CLXN: variants seen among roughly 807,000 people sequenced by gnomAD.
The protein encoded by CLXN is EF-hand calcium binding domain 1.
the CLXN span, among the ~76,000 whole-genome samples, chr8:48,718,134 T>C: frequency 6.6e-6 from 1 of 152,086 alleles, no homozygotes; most frequent in Non-Finnish European, 1.5e-5. Flanking sequence ...AGTTAAAGGA[T>C]GGAAAAAGAT....
chr8:48,731,385 C>T, the CLXN span: 1 of 1,612,792 alleles, frequency 6.2e-7, no homozygotes, highest in Non-Finnish European at 8.5e-7. Flanking sequence ...TTCCAAATGT[C>T]ACATGCAGGA....
the CLXN span, chr8:48,730,688 A>C: frequency 1.8e-6 from 2 of 1,129,292 alleles, no homozygotes; most frequent in Non-Finnish European, 2.6e-6. Flanking sequence ...CTGCATAATA[A>C]CTCTCAGTAA....
At chr8:48,729,277 C>T in the CLXN span, 1,604 of 694,820 alleles carry the variant, frequency 2.3e-3, 6 homozygotes, top group Non-Finnish European at 3.3e-3. Flanking sequence ...GTAATCATAG[C>T]ACTTTGGGAG....
At chr8:48,728,438 T>A in the CLXN span, among the ~76,000 whole-genome samples, 2 of 152,186 alleles carry the variant, frequency 1.3e-5, no homozygotes, top group African/African-American at 4.8e-5. Flanking sequence ...CCCATACAGC[T>A]GTTTAGATGA....
At chr8:48,734,327 G>GGCTTC in the CLXN span, among the ~76,000 whole-genome samples, 130 of 152,200 alleles carry the variant, frequency 8.5e-4, no homozygotes, top group Middle Eastern at 3.4e-3. Context: ...CCATACCCAC[G>GGCTTC]GCTTCCTTGC....
chr8:48,731,446 A>G, the CLXN span: 1 of 1,613,388 alleles, frequency 6.2e-7, no homozygotes. Flanking sequence ...TTGCCTCTCT[A>G]CTCCTCCCAC....
At chr8:48,732,438 G>A in the CLXN span, among the ~76,000 whole-genome samples, 1 of 152,082 alleles carries the variant, frequency 6.6e-6, no homozygotes, top group Non-Finnish European at 1.5e-5. Flanking sequence ...GGGATTTCTG[G>A]TTTGGAAAAC....
At chr8:48,729,785 G>A in the CLXN span, 1 of 1,613,388 alleles carries the variant, frequency 6.2e-7, no homozygotes, top group Non-Finnish European at 8.5e-7. Flanking sequence ...TCAGATGGCT[G>A]TTTGAGAAGG....
the CLXN span, among the ~76,000 whole-genome samples, chr8:48,720,233 T>C: frequency 2.6e-5 from 4 of 152,278 alleles, no homozygotes; most frequent in African/African-American, 9.6e-5. Context: ...CAGCGATTTT[T>C]AGGGAACAAG....
the CLXN span, among the ~76,000 whole-genome samples, chr8:48,725,926 G>A: frequency 6.6e-6 from 1 of 152,068 alleles, no homozygotes; most frequent in Non-Finnish European, 1.5e-5. Flanking sequence ...GAATGAAATA[G>A]CTCCTGAGGA....
chr8:48,720,154 C>A, the CLXN span, among the ~76,000 whole-genome samples: 2 of 152,064 alleles, frequency 1.3e-5, no homozygotes, highest in Non-Finnish European at 2.9e-5. Context: ...GTTAACTGTA[C>A]AAATTAATTG....
chr8:48,730,164 A>ATTAATTGAGAG, the CLXN span: 1 of 327,272 alleles, frequency 3.1e-6, no homozygotes, highest in East Asian at 5.1e-5. Flanking sequence ...GTTCATCAGA[A>ATTAATTGAGAG]TTAATTGAGA....
the CLXN span, chr8:48,729,236 T>C: frequency 9.0e-7 from 1 of 1,106,160 alleles, no homozygotes; most frequent in African/African-American, 1.6e-5. Context: ...TTTAAAAAAA[T>C]GTGCTAGGCT....
At chr8:48,713,536 A>G in the CLXN span, 1 of 152,134 alleles carries the variant, frequency 6.6e-6, no homozygotes. Context: ...AATCCCCTTT[A>G]ACAACCTTCT....
chr8:48,724,695 T>G, the CLXN span: 1 of 1,477,380 alleles, frequency 6.8e-7, no homozygotes, highest in South Asian at 1.2e-5. Flanking sequence ...GCAATATGTG[T>G]GTGCCTCCTT....
At chr8:48,715,843 T>C in the CLXN span, 3 of 152,010 alleles carry the variant, frequency 2.0e-5, no homozygotes, top group Admixed American at 2.0e-4. Context: ...ACAAGAAACA[T>C]ATAAAACCAA....
the CLXN span, among the ~76,000 whole-genome samples, chr8:48,714,158 C>A: frequency 6.6e-6 from 1 of 152,158 alleles, no homozygotes; most frequent in African/African-American, 2.4e-5. Context: ...TCAGGCCAAG[C>A]CTAGCAGTCG....
At chr8:48,724,595 T>C in the CLXN span, 3 of 570,534 alleles carry the variant, frequency 5.3e-6, no homozygotes, top group Non-Finnish European at 3.0e-6. Flanking sequence ...CATCTTACAC[T>C]GATGTTAAAT....
chr8:48,733,781 T>C, the CLXN span, among the ~76,000 whole-genome samples: 4 of 152,198 alleles, frequency 2.6e-5, no homozygotes, highest in Non-Finnish European at 5.9e-5. Context: ...ACAGAATGAT[T>C]GTCTGCAATG....
Sources: gnomAD v4.1 joint callset for allele counts (sites outside exome capture counted in the v4.1 genomes callset) on GRCh38, gnomAD v4.1.1 for gene constraint, MANE v1.5 for transcripts, NCBI Gene and HGNC (gene_info 2026-07-23, HGNC 2026-07-21) for gene names.